The following SNTG2 variants were observed in gnomAD, a reference collection of about 807,000 sequenced individuals.
SNTG2 encodes gamma-2-syntrophin.
Under a neutral mutation model 70.9 loss-of-function variants are expected in SNTG2, and 74 were observed. The ratio of observed to expected loss-of-function variants is 1.04; its 90% CI spans 0.86 to 1.27. The LOEUF is 1.27. SNTG2 is among the 50% of genes most tolerant of loss of function. SNTG2 has a pLI of 0.00. For synonymous variants in SNTG2, 278 were observed against 273.8 expected, an observed-to-expected ratio of 1.02 and a Z score of -0.15; for missense variants, 717 against 690.7, an observed-to-expected ratio of 1.04 and a Z score of -0.43.
In SNTG2 at chr2:993,715, A is replaced by G. The variant is rs539739431; in HGVS notation, c.72+42647A>G. ...ACTTTGTGTCTATTTTTTTTTAATT[A>G]AAATCATACTAGTGAGTGTGAGCTG... On this transcript the variant is annotated intron_variant, in intron 1 of 16. Transcript: ENST00000308624. Among the ~76,000 whole-genome samples, 27 of 152,264 alleles carry G rather than the reference A, an allele frequency of 1.8e-4. 2 individuals are homozygous for G. In the South Asian group the frequency reaches 5.6e-3, roughly 32 times the overall value.
chr2:985,519 G>C (rs148566679), intron 1 of SNTG2, among the ~76,000 whole-genome samples: 1 of 152,232 alleles, frequency 6.6e-6, no homozygotes, highest in Non-Finnish European at 1.5e-5. Flanking sequence ...TGCTGGGCCA[G>C]GCAGAGACAC....
intron 1 of SNTG2, among the ~76,000 whole-genome samples, chr2:953,009 C>CTT (rs1357492965): frequency 6.6e-6 from 1 of 152,140 alleles, no homozygotes; most frequent in African/African-American, 2.4e-5. Context: ...AGATGAAAGT[C>CTT]TTTTCTAAAT....
intron 12 of SNTG2, among the ~76,000 whole-genome samples, chr2:1,254,503 A>G (rs2148149093): frequency 7.0e-6 from 1 of 142,946 alleles, no homozygotes; most frequent in Middle Eastern, 3.8e-3. Context: ...GCCTATGCAT[A>G]TGCAAGAATT....
At position 1,126,215 on chromosome 2, in the gene SNTG2, C is replaced by T. The variant is rs557893704; in HGVS notation, c.326-11407C>T. Among the ~76,000 whole-genome samples the T allele has an allele frequency of 1.4e-4, 22 of 152,230 alleles. No individual in the cohort carries two copies. In the South Asian group the frequency reaches 4.6e-3, roughly 32 times the overall value. On this transcript the variant is annotated intron_variant, in intron 4 of 16. Coordinates refer to ENST00000308624, the MANE Select transcript of SNTG2 (RefSeq NM_018968.4). ...CTTAGTTCTATGAGACCAGCTTCCG[C>T]ATATGAGTGAGAACATGCAGTGTTT...
intron 8 of SNTG2, among the ~76,000 whole-genome samples, chr2:1,194,998 T>C (rs1672820219): frequency 6.6e-6 from 1 of 152,186 alleles, no homozygotes; most frequent in South Asian, 2.1e-4. Flanking sequence ...TGTTCTTGCG[T>C]TAATTTGTGG....
intron 8 of SNTG2, among the ~76,000 whole-genome samples, chr2:1,174,346 T>C (rs1366744161): frequency 6.6e-6 from 1 of 152,078 alleles, no homozygotes; most frequent in Admixed American, 6.5e-5. Context: ...TATAAAATAT[T>C]ATTCTTCCAT....
At chr2:975,112 C>T (rs1246175511) in intron 1 of SNTG2, among the ~76,000 whole-genome samples, 1 of 151,952 alleles carries the variant, frequency 6.6e-6, no homozygotes, top group Admixed American at 6.6e-5. Context: ...AACCACACCA[C>T]ACACTTGCAC....
chr2:1,188,356 A>G (rs565633625), intron 8 of SNTG2, among the ~76,000 whole-genome samples: 1 of 152,198 alleles, frequency 6.6e-6, no homozygotes, highest in Admixed American at 6.5e-5. Flanking sequence ...AACCAAAGAT[A>G]AGAAGGTAGA....
At chr2:1,181,024 A>G (rs1224165627) in intron 8 of SNTG2, among the ~76,000 whole-genome samples, 1 of 152,086 alleles carries the variant, frequency 6.6e-6, no homozygotes, top group Non-Finnish European at 1.5e-5. Flanking sequence ...CAATGAGAAC[A>G]CATGGACACA....
chr2:1,161,663 CAAATT>C (rs1224644323), intron 6 of SNTG2: 1 of 152,216 alleles, frequency 6.6e-6, no homozygotes, highest in Non-Finnish European at 1.5e-5. Flanking sequence ...AGACTGATAA[CAAATT>C]GAATGCCTTT....
intron 8 of SNTG2, among the ~76,000 whole-genome samples, chr2:1,205,404 C>T (rs1355415616): frequency 6.6e-6 from 1 of 152,174 alleles, no homozygotes; most frequent in East Asian, 1.9e-4. Flanking sequence ...GAATGTTTAT[C>T]TTGTGAGTGT....
intron 8 of SNTG2, among the ~76,000 whole-genome samples, chr2:1,182,169 A>G (rs1473676943): frequency 6.6e-6 from 1 of 152,046 alleles, no homozygotes; most frequent in Non-Finnish European, 1.5e-5. Context: ...GGGTTCTTGG[A>G]TTGCTGACCT....
intron 6 of SNTG2, among the ~76,000 whole-genome samples, chr2:1,150,215 A>T (rs1354645541): frequency 1.3e-5 from 2 of 152,184 alleles, no homozygotes; most frequent in African/African-American, 4.8e-5. Context: ...CCCCATTCTC[A>T]TAGTTCTAGT....
At chr2:1,173,285 A>G (rs985611373) in intron 8 of SNTG2, 102 bp downstream of exon 8, 59 of 1,080,544 alleles carry the variant, frequency 5.5e-5, no homozygotes, top group Non-Finnish European at 7.6e-5. Context: ...TGCCCAGTGA[A>G]GATAATTGTG....
intron 1 of SNTG2, among the ~76,000 whole-genome samples, chr2:1,048,799 A>G (rs2148073649): frequency 6.6e-6 from 1 of 152,268 alleles, no homozygotes; most frequent in East Asian, 1.9e-4. Flanking sequence ...GTAAATGAGA[A>G]TTGTGATTGT....
At chr2:1,334,339 C>T (rs1190440875) in intron 16 of SNTG2, among the ~76,000 whole-genome samples, 1 of 152,152 alleles carries the variant, frequency 6.6e-6, no homozygotes, top group East Asian at 1.9e-4. Flanking sequence ...CTTTTACCTG[C>T]TGGTGGGAAT....
intron 6 of SNTG2, among the ~76,000 whole-genome samples, chr2:1,147,530 G>GCTT (rs1669180331): frequency 6.6e-6 from 1 of 152,190 alleles, no homozygotes; most frequent in Admixed American, 6.5e-5. Flanking sequence ...ACTCAGACTG[G>GCTT]CTTCCTTGCT....
chr2:1,320,292 T>C lies in SNTG2; in HGVS notation c.1488+3917T>C, dbSNP rs763993330. On this transcript the variant is annotated intron_variant, in intron 16 of 16. Transcript: ENST00000308624. ...GCTCATGCCTGTAATCTCAGCACTT[T>C]GGGAGGCTGAGGCGGGTGAATCATG... Among the ~76,000 whole-genome samples the C allele has an allele frequency of 1.2e-4, 18 of 151,916 alleles. 1 individual carries two copies. The highest frequency in any genetic ancestry group is 2.6e-4 in the Non-Finnish European group (18 of 67,964).
intron 1 of SNTG2, among the ~76,000 whole-genome samples, chr2:1,037,882 T>G (rs1177762941): frequency 1.3e-5 from 2 of 152,218 alleles, no homozygotes; most frequent in Non-Finnish European, 2.9e-5. Flanking sequence ...TTGGCTGTTA[T>G]GAATCCTGAG....
Sources: allele counts gnomAD v4.1 joint callset (sites outside exome capture counted in the v4.1 genomes callset), GRCh38; gene constraint gnomAD v4.1.1; transcripts MANE v1.5; gene names NCBI Gene and HGNC (gene_info 2026-07-23, HGNC 2026-07-21).